Variants in SLC5A2 observed in about 807,000 individuals in gnomAD.
SLC5A2 encodes the protein sodium/glucose cotransporter 2.
In SLC5A2, 67 loss-of-function variants were observed where a neutral mutation model predicts 69.0. The ratio of observed to expected loss-of-function variants is 0.97; its 90% CI spans 0.80 to 1.19. SLC5A2 has a LOEUF of 1.19. Among genes scored for constraint, SLC5A2 ranks in the 50% most tolerant of loss-of-function variants. SLC5A2 has a pLI of 0.00. For missense variants in SLC5A2, 1,001 were observed against 921.5 expected (o/e 1.09, Z -1.12); for synonymous variants, 455 against 395.8 (o/e 1.15, Z -1.78).
chr16:31,487,442 C>A (rs1401095900), intron 6 of SLC5A2, 42 bp downstream of exon 6: 2 of 1,611,240 alleles, frequency 1.2e-6, no homozygotes, highest in Non-Finnish European at 1.7e-6. Flanking sequence ...AGGGCATGGT[C>A]GCGGAGCTCT....
chr16:31,487,494 T>TC, intron 6 of SLC5A2, 36 bp from the exon 7 acceptor site: 1 of 1,611,558 alleles, frequency 6.2e-7, no homozygotes, highest in Non-Finnish European at 8.5e-7. Flanking sequence ...GGTCTGAGGG[T>TC]CCTAAGGAGG....
In SLC5A2 at chr16:31,488,970, G is replaced by T. The variant is rs764491154; in HGVS notation, c.1371G>T (p.Gln457His). 11 of 1,602,272 alleles carry T rather than the reference G, an allele frequency of 6.9e-6. No individual in the cohort carries two copies. Among genetic ancestry groups the T allele is most frequent in the Non-Finnish European group, 9.3e-6 (11 of 1,179,872 alleles). ...AQGGQLFDYI[Q>H]AVSSYLAPPV... ...GCGGGCAGCTCTTCGATTACATCCAGGCAGTCTCTAGCTACCTGGCACCGC... is the reference window on the plus strand; with the variant it reads ...GCGGGCAGCTCTTCGATTACATCCATGCAGTCTCTAGCTACCTGGCACCGC... Residue 457 changes from glutamine (Q) to histidine (H), a missense_variant, in exon 11 of 14, where the codon CAG (glutamine) becomes CAT (histidine). Physicochemically the swap from Gln to His is conservative, Grantham distance 24 (BLOSUM62 0). Transcript: ENST00000330498.
chr16:31,489,412 G>C (rs763534450), intron 12 of SLC5A2, 74 bp downstream of exon 12: 18 of 1,361,688 alleles, frequency 1.3e-5, no homozygotes, highest in Non-Finnish European at 1.8e-5. Flanking sequence ...GTGCCCAGCT[G>C]GGAGGACCTG....
rs1376092102 is a variant in SLC5A2, at chr16:31,484,827, C to G, written c.207C>G (p.Ala69=). 1 of 1,613,448 alleles carries G rather than the reference C, an allele frequency of 6.2e-7. No individual in the cohort carries two copies. The highest frequency in any genetic ancestry group is 2.2e-5 in the East Asian group (1 of 44,886). The part of the protein sequence containing the change: ...GRSMVWWPVG[A]SLFASNIGSG... ...CTCCTCTGGCCACCCAGGTTGGGGC[C>G]TCTCTCTTCGCCAGCAACATCGGCA... Residue 69 remains alanine (A), a synonymous_variant, in exon 3 of 14, where the codon GCC becomes GCG. Transcript: ENST00000330498.
At chr16:31,489,964 C>A in intron 12 of SLC5A2, 140 bp from the exon 13 acceptor site, 1 of 1,122,612 alleles carries the variant, frequency 8.9e-7, no homozygotes, top group Non-Finnish European at 1.3e-6. Flanking sequence ...GTGGAGTTGG[C>A]ATGAGTTAAG....
rs775002648 is a variant in SLC5A2 at position 31,490,212 on chromosome 16, A to T, written c.1774A>T (p.Ser592Cys). 5 of 1,614,182 alleles carry T rather than the reference A, an allele frequency of 3.1e-6. No individual in the cohort carries two copies. The highest frequency in any genetic ancestry group is 3.3e-5 in the Admixed American group (2 of 60,030). Residue 592 changes from serine (S) to cysteine (C), a missense_variant, in exon 13 of 14, where the codon AGT becomes TGT. Physicochemically the swap from Ser to Cys is moderately radical, Grantham distance 112. Transcript: ENST00000330498. ...SLPVQNGCPE[S>C]AMEMNEPQAP... ...CCCTGTACAGAATGGGTGCCCAGAG[A>T]GTGCCATGGAGATGAATGGTAGGGC...
chr16:31,488,851 C>CGGGTTCGATCCGA, intron 10 of SLC5A2, 29 bp from the exon 11 acceptor site: 1 of 1,602,802 alleles, frequency 6.2e-7, no homozygotes, highest in Non-Finnish European at 8.5e-7. Flanking sequence ...GCCCAGGGTC[C>CGGGTTCGATCCGA]GGGTTCGATC....
At chr16:31,485,061 T>C in intron 3 of SLC5A2, 138 bp downstream of exon 3, 2 of 818,968 alleles carry the variant, frequency 2.4e-6, no homozygotes, top group Admixed American at 4.0e-5. Flanking sequence ...GGGCTGGGAG[T>C]GGAGGTCATA....
In SLC5A2 at chr16:31,490,460, C is replaced by A. The variant is rs778330418; in HGVS notation, c.1944C>A (p.Ser648Arg). 3 of 1,613,930 alleles carry A rather than the reference C, an allele frequency of 1.9e-6. No individual in the cohort carries two copies. The highest frequency in any genetic ancestry group is 2.7e-5 in the African/African-American group (2 of 74,948). ...RRLEDISEDP[S>R]WARVVNLNAL... ...TGGAGGACATCAGCGAGGACCCGAGCTGGGCCCGTGTGGTCAACCTCAATG... is the reference window on the plus strand; with the variant it reads ...TGGAGGACATCAGCGAGGACCCGAGATGGGCCCGTGTGGTCAACCTCAATG... Residue 648 changes from serine to arginine, a missense_variant, in exon 14 of 14, where the codon AGC becomes AGA. By Grantham distance (110) the Ser-to-Arg change is moderately radical (BLOSUM62 -1). Coordinates refer to ENST00000330498, the MANE Select transcript of SLC5A2 (RefSeq NM_003041.4).
At chr16:31,488,212 C>T in intron 8 of SLC5A2, 39 bp downstream of exon 8, 2 of 1,613,786 alleles carry the variant, frequency 1.2e-6, no homozygotes, top group African/African-American at 2.7e-5. Context: ...TGCCAGCAAC[C>T]GGGCGCCCGT....
rs373192251 is a variant in SLC5A2 at position 31,489,067 on chromosome 16, G to T, written c.1449+19G>T. 1 of 1,602,196 alleles carries T rather than the reference G, an allele frequency of 6.2e-7. No individual in the cohort carries two copies. Among genetic ancestry groups the T allele is most frequent in the Non-Finnish European group, 8.5e-7 (1 of 1,179,910 alleles). Reference sequence around the variant, plus strand: ...TGAGCAGGTGAGCGGCACGCGCGTGGTGACGGCAGGGCTGGGCTTGCACAT... The same window carrying T: ...TGAGCAGGTGAGCGGCACGCGCGTGTTGACGGCAGGGCTGGGCTTGCACAT... On this transcript the variant is annotated intron_variant, in intron 11 of 13. Coordinates refer to ENST00000330498, the MANE Select transcript of SLC5A2 (RefSeq NM_003041.4).
rs1398314779 is a variant in SLC5A2, at chr16:31,487,557, G to T, written c.683G>T (p.Gly228Val). ...TTCCACGAGGTGGGCGGGTATTCGGGTCTCTTCGACAAATACCTGGGAGCA... is the reference window on the plus strand; with the variant it reads ...TTCCACGAGGTGGGCGGGTATTCGGTTCTCTTCGACAAATACCTGGGAGCA... ...YAFHEVGGYSGLFDKYLGAAT... is the reference protein window; with the variant it reads ...YAFHEVGGYSVLFDKYLGAAT... Residue 228 changes from glycine to valine, a missense_variant, in exon 7 of 14, where the codon GGT (glycine) becomes GTT (valine). Physicochemically the swap from Gly to Val is moderately radical, Grantham distance 109. Transcript: ENST00000330498. 1.2e-6 allele frequency: 2 copies of T among 1,613,756 alleles called. No individual in the cohort carries two copies. The highest frequency in any genetic ancestry group is 1.7e-6 in the Non-Finnish European group (2 of 1,180,002).
In SLC5A2 at chr16:31,490,418, G is replaced by A. The variant is rs372404252; in HGVS notation, c.1902G>A (p.Ala634=). The change falls in exon 14 of 14, where the codon GCG becomes GCA. Residue 634 remains alanine, a synonymous_variant. Coordinates refer to ENST00000330498, the MANE Select transcript of SLC5A2 (RefSeq NM_003041.4). ...CGCCCCTTACCCAGGAGGAGGCAGC[G>A]GCAGCAGCCAGGCGGCTGGAGGACA... is the stretch of plus-strand genomic sequence containing the variant. ...SPPPLTQEEA[A]AAARRLEDIS... is the part of the protein sequence containing the mutation. The A allele has an allele frequency of 1.6e-5, 26 of 1,613,516 alleles. No homozygotes were observed. The highest frequency in any genetic ancestry group is 1.6e-4 in the Middle Eastern group (1 of 6,066).
In SLC5A2 at chr16:31,486,650, G is replaced by C. The variant is rs146623606; in HGVS notation, c.574+375G>C. Among the ~76,000 whole-genome samples, 751 of 152,330 alleles carry C rather than the reference G, an allele frequency of 4.9e-3. 7 individuals carry two copies. Among genetic ancestry groups the C allele is most frequent in the African/African-American group, 0.017 (721 of 41,574 alleles). Reference sequence around the variant, plus strand: ...GGCCTGAGGTCAGATGCGGACCAGAGTAGGCAGGGCTTGGTGCCAAGGCCC... The same window carrying C: ...GGCCTGAGGTCAGATGCGGACCAGACTAGGCAGGGCTTGGTGCCAAGGCCC... On this transcript the variant is annotated intron_variant, in intron 5 of 13. Coordinates refer to ENST00000330498, the MANE Select transcript of SLC5A2 (RefSeq NM_003041.4).
rs780009953 is a variant in SLC5A2, at chr16:31,485,860, C to T, written c.435C>T (p.Leu145=). 2.6e-5 allele frequency: 42 copies of T among 1,613,654 alleles called. 3 individuals are homozygous for T. In the Middle Eastern group the frequency reaches 6.1e-3, roughly 235 times the overall value. The change falls in exon 4 of 14, where the codon CTC becomes CTT. Residue 145 remains leucine, a synonymous_variant. Coordinates refer to ENST00000330498, the MANE Select transcript of SLC5A2 (RefSeq NM_003041.4). ...GRRIRLYLSV[L]SLFLYIFTKI... ...GCATCCGCCTCTACCTGTCTGTGCT[C>T]TCCCTTTTCCTGTACATCTTCACCA... is the stretch of plus-strand genomic sequence containing the variant.
intron 8 of SLC5A2, 92 bp downstream of exon 8, chr16:31,488,265 C>T (rs577038580): frequency 1.4e-4 from 220 of 1,606,212 alleles, no homozygotes; most frequent in Middle Eastern, 1.2e-3. Flanking sequence ...AGTTTGGGCC[C>T]GGAGTCCCGC....
In SLC5A2 at chr16:31,484,915, G is replaced by C. The variant is rs2082483999; in HGVS notation, c.295G>C (p.Glu99Gln). Residue 99 changes from glutamate to glutamine, a missense_variant, in exon 3 of 14, where the codon GAG becomes CAG. Glu to Gln is a conservative substitution (Grantham distance 29, BLOSUM62 2). Coordinates refer to ENST00000330498, the MANE Select transcript of SLC5A2 (RefSeq NM_003041.4). ...AAGTGGCTTGGCTGTTGCTGGATTC[G>C]AGTGGAATGTGAGGCCCTCTTTTTT... ...AASGLAVAGF[E>Q]WNALFVVLLL... 1 of 1,614,012 alleles carries C rather than the reference G, an allele frequency of 6.2e-7. No individual in the cohort carries two copies. The highest frequency in any genetic ancestry group is 8.5e-7 in the Non-Finnish European group (1 of 1,179,946).
Position 31,489,043 on chromosome 16 carries a change from GAGC to G in SLC5A2, c.1447_1449del (p.Gln483del). The G allele has an allele frequency of 1.9e-6, 3 of 1,601,184 alleles. No individual in the cohort carries two copies. Among genetic ancestry groups the G allele is most frequent in the Non-Finnish European group, 2.5e-6 (3 of 1,179,874 alleles). On this transcript the variant is annotated inframe_deletion and splice_region_variant, in exon 11 of 14. Coordinates refer to ENST00000330498, the MANE Select transcript of SLC5A2 (RefSeq NM_003041.4). Reference sequence around the variant, plus strand: ...GGCGCTCTTCGTGCCGCGCGTTAATGAGCAGGTGAGCGGCACGCGCGTGGTGAC... The same window carrying G: ...GGCGCTCTTCGTGCCGCGCGTTAATGAGGTGAGCGGCACGCGCGTGGTGAC...
rs1424743064 is a variant in SLC5A2 at position 31,487,749 on chromosome 16, G to A, written c.875G>A (p.Cys292Tyr). ...ACAATCGTCTCGGGCTGGTACTGGT[G>A]CAGCGACCAGGTGCGGGTATAGGGC... The part of the protein sequence containing the change: ...GLTIVSGWYW[C>Y]SDQVIVQRCL... The change falls in exon 7 of 14, where the codon TGC becomes TAC. Residue 292 changes from cysteine (C) to tyrosine (Y), a missense_variant. Physicochemically the swap from Cys to Tyr is radical, Grantham distance 194. Coordinates refer to ENST00000330498, the MANE Select transcript of SLC5A2 (RefSeq NM_003041.4). The A allele has an allele frequency of 1.2e-6, 2 of 1,609,474 alleles. No homozygotes were observed. The highest frequency in any genetic ancestry group is 4.5e-5 in the East Asian group (2 of 44,822).
Sources: gnomAD v4.1 joint callset for allele counts (sites outside exome capture counted in the v4.1 genomes callset) on GRCh38, gnomAD v4.1.1 for gene constraint, MANE v1.5 for transcripts, NCBI Gene and HGNC (gene_info 2026-07-23, HGNC 2026-07-21) for gene names.